Variants in FREM1 observed in about 807,000 individuals in gnomAD.
The protein encoded by FREM1 is FRAS1-related extracellular matrix protein 1.
A neutral mutation model predicts 210.1 loss-of-function variants in FREM1; 220 were observed. The observed-to-expected ratio is 1.05, with a 90% CI of 0.94 to 1.17. The LOEUF is 1.17. Among genes scored for constraint, FREM1 ranks in the 50% most tolerant of loss-of-function variants. FREM1 has a pLI of 0.00. For missense variants in FREM1, 3,454 were observed against 2,675.5 expected, an observed-to-expected ratio of 1.29 and a Z score of -6.42; for synonymous variants, 1,189 against 980.2, an observed-to-expected ratio of 1.21 and a Z score of -3.98.
At chr9:14,843,640 A>G (rs1826082564) in intron 8 of FREM1, among the ~76,000 whole-genome samples, 1 of 152,218 alleles carries the variant, frequency 6.6e-6, no homozygotes, top group African/African-American at 2.4e-5. Flanking sequence ...AACTTAAGCA[A>G]CAGTAAGCCT....
At chr9:14,870,485 C>T (rs7045281) in intron 1 of FREM1, among the ~76,000 whole-genome samples, 83,530 of 151,902 alleles carry the variant, frequency 0.55, 25,922 homozygotes, top group African/African-American at 0.85. Context: ...TTGCTGTTGT[C>T]TTTGTTTTTT....
At chr9:14,756,524 T>C (rs1278308297) in intron 28 of FREM1, 78 bp from the exon 29 acceptor site, 6 of 965,318 alleles carry the variant, frequency 6.2e-6, no homozygotes, top group South Asian at 4.7e-5. Context: ...TCCCTCATAC[T>C]GGACTAAACT....
intron 1 of FREM1, among the ~76,000 whole-genome samples, chr9:14,870,174 C>T (rs982965829): frequency 4.6e-5 from 7 of 152,150 alleles, no homozygotes; most frequent in African/African-American, 1.7e-4. Context: ...TGTGCATAAC[C>T]AGTAGATACC....
intron 36 of FREM1, 87 bp from the exon 37 acceptor site, chr9:14,737,682 T>TATA (rs1200401783): frequency 3.7e-5 from 41 of 1,114,568 alleles, no homozygotes; most frequent in Non-Finnish European, 4.8e-5. Context: ...AGCTCAGTTA[T>TATA]CACATGCAAG....
chr9:14,759,993 G>C (rs1435687610), intron 27 of FREM1, 92 bp from the exon 28 acceptor site: 1 of 987,720 alleles, frequency 1.0e-6, no homozygotes, highest in African/African-American at 1.6e-5. Context: ...AAACGTGGTT[G>C]ATCAACCTAC....
rs114938414 is a variant in FREM1 at position 14,762,323 on chromosome 9, G to C, written c.5205-2422C>G. On this transcript the variant is annotated intron_variant, in intron 27 of 36. Coordinates refer to ENST00000380880, the MANE Select transcript of FREM1 (RefSeq NM_001379081.2). ...TCAGCCATCAGTAGGGTTCAAATGA[G>C]TTTCAATGTCCAATTCTTCTGAGAA... is the stretch of plus-strand genomic sequence containing the variant. 7.2e-3 allele frequency among the ~76,000 whole-genome samples: 1,098 copies of C among 152,298 alleles called. 9 individuals are homozygous for C. Among genetic ancestry groups the C allele is most frequent in the African/African-American group, 0.025 (1,037 of 41,554 alleles).
At chr9:14,844,064 T>C (rs1826166780) in intron 8 of FREM1, among the ~76,000 whole-genome samples, 1 of 152,064 alleles carries the variant, frequency 6.6e-6, no homozygotes, top group South Asian at 2.1e-4. Flanking sequence ...CAGAATGCTT[T>C]CTACAGTGTC....
chr9:14,842,690 T>A, intron 8 of FREM1, 30 bp from the exon 9 acceptor site: 1 of 1,536,852 alleles, frequency 6.5e-7, no homozygotes. Flanking sequence ...TGGAGCAGAT[T>A]GAGCAAGGGA....
In FREM1 at chr9:14,750,142, A is replaced by G. The variant is rs1263532922; in HGVS notation, c.5542T>C (p.Leu1848=). ...AAAAGAATACCTCCTTTTGAGTCCA[A>G]AATTTTCACTGCAGCTTTTGTCTTT... ...GTKTKAAVKI[L]DSKGGQCHPS... is the part of the protein sequence containing the mutation. The change falls in exon 30 of 37, where the codon TTG becomes CTG. Residue 1848 remains leucine, a synonymous_variant. Coordinates refer to ENST00000380880, the MANE Select transcript of FREM1 (RefSeq NM_001379081.2). 11 of 1,613,872 alleles carry G rather than the reference A, an allele frequency of 6.8e-6. No individual in the cohort carries two copies. The highest frequency in any genetic ancestry group is 1.7e-5 in the Admixed American group (1 of 60,018).
chr9:14,872,911 C>T (rs11543882), intron 1 of FREM1, among the ~76,000 whole-genome samples: 23,656 of 150,358 alleles, frequency 0.16, 2,394 homozygotes, highest in East Asian at 0.56. Flanking sequence ...GCCTTTTCTG[C>T]ATCTATTGAG....
chr9:14,768,195 G>A (rs1217869022), intron 27 of FREM1, among the ~76,000 whole-genome samples: 1 of 151,926 alleles, frequency 6.6e-6, no homozygotes, highest in East Asian at 1.9e-4. Flanking sequence ...ACACATGGAG[G>A]ACAAGAGGTG....
At chr9:14,848,487 G>A (rs181736617) in intron 7 of FREM1, among the ~76,000 whole-genome samples, 178 bp downstream of exon 7, 4 of 152,134 alleles carry the variant, frequency 2.6e-5, no homozygotes, top group South Asian at 2.1e-4. Flanking sequence ...AATTTCTCAC[G>A]CTGCCAGGAG....
chr9:14,739,099 T>A (rs1180970064), intron 36 of FREM1, among the ~76,000 whole-genome samples: 1 of 150,698 alleles, frequency 6.6e-6, no homozygotes, highest in Non-Finnish European at 1.5e-5. Context: ...TAAAATCACC[T>A]ATATTTATTA....
intron 21 of FREM1, among the ~76,000 whole-genome samples, chr9:14,795,295 G>C (rs1852168995): frequency 6.6e-6 from 1 of 152,172 alleles, no homozygotes; most frequent in African/African-American, 2.4e-5. Context: ...GAGGTTAACA[G>C]AGAGATTGAG....
At chr9:14,757,967 T>C (rs560210334) in intron 28 of FREM1, among the ~76,000 whole-genome samples, 1 of 152,224 alleles carries the variant, frequency 6.6e-6, no homozygotes, top group Non-Finnish European at 1.5e-5. Context: ...TTTCCCTGCA[T>C]GGTTCTTGCA....
intron 10 of FREM1, among the ~76,000 whole-genome samples, chr9:14,838,924 A>T (rs1344258097): frequency 6.6e-6 from 1 of 152,180 alleles, no homozygotes; most frequent in Non-Finnish European, 1.5e-5. Flanking sequence ...GGATTCTTGG[A>T]ACAGCTGATG....
intron 31 of FREM1, 36 bp downstream of exon 31, chr9:14,748,365 T>G: frequency 8.7e-7 from 1 of 1,154,688 alleles, no homozygotes. Flanking sequence ...TAATATGTAT[T>G]TTGCACATCA....
rs768056732 is a variant in FREM1, at chr9:14,784,474, G to A, written c.4338C>T (p.His1446=). The A allele has an allele frequency of 7.4e-5, 120 of 1,613,812 alleles. No homozygotes were observed. Among genetic ancestry groups the A allele is most frequent in the Non-Finnish European group, 1.0e-4 (118 of 1,179,870 alleles). Residue 1446 remains histidine, a synonymous_variant, in exon 24 of 37, where the codon CAC becomes CAT. Coordinates refer to ENST00000380880, the MANE Select transcript of FREM1 (RefSeq NM_001379081.2). ...AGTTTGTAATGGGAACTCCAGGATA[G>A]TGAACATATTCGATCTGGCCATATC... The part of the protein sequence containing the change: ...PPRYGQIEYV[H]YPGVPITNFS...
At chr9:14,828,642 G>A (rs752462395) in intron 10 of FREM1, among the ~76,000 whole-genome samples, 9 of 94,772 alleles carry the variant, frequency 9.5e-5, no homozygotes, top group Non-Finnish European at 2.1e-4. Flanking sequence ...TTGTGGCGGG[G>A]CGGGGGAGGT....
Sources: gnomAD v4.1 joint callset for allele counts (sites outside exome capture counted in the v4.1 genomes callset) on GRCh38, gnomAD v4.1.1 for gene constraint, MANE v1.5 for transcripts, NCBI Gene and HGNC (gene_info 2026-07-23, HGNC 2026-07-21) for gene names.